MAPK10: variants seen among roughly 807,000 people sequenced by gnomAD.
MAPK10 encodes mitogen-activated protein kinase 10.
A neutral mutation model predicts 59.3 loss-of-function variants in MAPK10; 25 were observed. The ratio of observed to expected loss-of-function variants is 0.42; its 90% confidence interval spans 0.31 to 0.59. The LOEUF is 0.59. Ranked by LOEUF, MAPK10 falls within the 20% of genes least tolerant of loss-of-function variation. MAPK10 has a pLI of 0.15. For synonymous variants in MAPK10, 190 were observed against 200.5 expected, an observed-to-expected ratio of 0.95 and a Z score of 0.44; for missense variants, 351 against 568.9, an observed-to-expected ratio of 0.62 and a Z score of 3.90.
At chr4:86,539,390 G>A (rs575834498) in intron 1 of MAPK10, among the ~76,000 whole-genome samples, 4 of 152,286 alleles carry the variant, frequency 2.6e-5, no homozygotes, top group African/African-American at 9.6e-5. Flanking sequence ...ACCCTCTGAA[G>A]CTCCAAACCT....
chr4:86,209,315 A>G (rs564319364), intron 2 of MAPK10, among the ~76,000 whole-genome samples: 1 of 152,220 alleles, frequency 6.6e-6, no homozygotes, highest in East Asian at 1.9e-4. Flanking sequence ...ACGTATATAA[A>G]ATTTAAAACA....
rs150112745 is a variant in MAPK10 at position 86,344,702 on chromosome 4, G to A, written c.-7+9828C>T. ...AACTGTGTGATATTTAATCTTCCAA[G>A]ACTCTACCACAGTAATCTGCCCATT... On this transcript the variant is annotated intron_variant, in intron 2 of 13. Coordinates refer to ENST00000641462, the MANE Select transcript of MAPK10 (RefSeq NM_138982.4). Among the ~76,000 whole-genome samples the A allele has an allele frequency of 4.8e-3, 736 of 152,192 alleles. 5 individuals are homozygous for A. The highest frequency in any genetic ancestry group is 0.014 in the Middle Eastern group (4 of 294).
At chr4:86,287,494 C>T (rs2095057572) in intron 2 of MAPK10, among the ~76,000 whole-genome samples, 1 of 152,132 alleles carries the variant, frequency 6.6e-6, no homozygotes, top group Non-Finnish European at 1.5e-5. Flanking sequence ...AACACAGCTG[C>T]CATCGTTTTA....
chr4:86,076,260 G>T (rs911479976), intron 9 of MAPK10, among the ~76,000 whole-genome samples: 1 of 152,010 alleles, frequency 6.6e-6, no homozygotes, highest in Non-Finnish European at 1.5e-5. Flanking sequence ...GCTCGCGCAC[G>T]GTGCGCGCAC....
At chr4:86,067,045 T>C (rs2046883040) in intron 10 of MAPK10, among the ~76,000 whole-genome samples, 1 of 152,210 alleles carries the variant, frequency 6.6e-6, no homozygotes, top group Non-Finnish European at 1.5e-5. Flanking sequence ...TAATCAAATA[T>C]GCAAACTAGT....
intron 1 of MAPK10, among the ~76,000 whole-genome samples, chr4:86,387,564 A>G (rs1164653524): frequency 1.3e-5 from 2 of 152,202 alleles, no homozygotes; most frequent in African/African-American, 4.8e-5. Context: ...GTCCCTGACC[A>G]CTTAACTCTT....
chr4:86,080,428 C>A (rs969231072), intron 9 of MAPK10: 1 of 151,782 alleles, frequency 6.6e-6, no homozygotes, highest in African/African-American at 2.4e-5. Context: ...AGAATAATAT[C>A]TTTAAGATGC....
intron 1 of MAPK10, among the ~76,000 whole-genome samples, chr4:86,368,888 T>TA (rs36078401): frequency 0.71 from 107,384 of 151,908 alleles, 39,242 homozygotes; most frequent in South Asian, 0.9. Context: ...AGCAGCAGCT[T>TA]AAAAAATCTA....
At chr4:86,492,755 T>C (rs1282405317) in intron 1 of MAPK10, among the ~76,000 whole-genome samples, 1 of 152,212 alleles carries the variant, frequency 6.6e-6, no homozygotes, top group Non-Finnish European at 1.5e-5. Flanking sequence ...CCTTGATTTT[T>C]AAAAAATTTG....
intron 3 of MAPK10, among the ~76,000 whole-genome samples, chr4:86,186,596 G>A (rs1288752175): frequency 6.6e-6 from 1 of 152,040 alleles, no homozygotes. Context: ...TAAAAATCTT[G>A]TTTCAATGAT....
intron 3 of MAPK10, among the ~76,000 whole-genome samples, chr4:86,183,617 T>C (rs1376445584): frequency 6.6e-6 from 1 of 152,128 alleles, no homozygotes; most frequent in Non-Finnish European, 1.5e-5. Context: ...CATGTGTCTT[T>C]ATAGTGGCAT....
At chr4:86,366,450 G>A (rs1328660512) in intron 1 of MAPK10, among the ~76,000 whole-genome samples, 1 of 152,096 alleles carries the variant, frequency 6.6e-6, no homozygotes, top group Non-Finnish European at 1.5e-5. Flanking sequence ...TTGGGAAAGA[G>A]GAAAATTGCT....
intron 2 of MAPK10, among the ~76,000 whole-genome samples, chr4:86,314,081 A>AAAAAAAAAAAAGAAG (rs2095726014): frequency 2.0e-5 from 3 of 152,196 alleles, no homozygotes; most frequent in Non-Finnish European, 4.4e-5. Flanking sequence ...AGAAGAAACA[A>AAAAAAAAAAAAGAAG]AAACAGTATT....
intron 4 of MAPK10, among the ~76,000 whole-genome samples, chr4:86,148,371 C>T (rs1262891588): frequency 6.6e-6 from 1 of 152,258 alleles, no homozygotes; most frequent in East Asian, 1.9e-4. Flanking sequence ...ATACCCGAAG[C>T]ATAAAAGTGG....
intron 1 of MAPK10, among the ~76,000 whole-genome samples, chr4:86,374,370 C>G (rs765334183): frequency 6.6e-6 from 1 of 152,070 alleles, no homozygotes; most frequent in South Asian, 2.1e-4. Flanking sequence ...CAAACCTGCA[C>G]GTTCTGCACA....
At chr4:86,215,722 C>T (rs1049945072) in intron 2 of MAPK10, among the ~76,000 whole-genome samples, 2 of 151,918 alleles carry the variant, frequency 1.3e-5, no homozygotes, top group Non-Finnish European at 2.9e-5. Flanking sequence ...ATTAGCCGGG[C>T]GTTGTGGTGC....
In MAPK10 at chr4:86,183,360, G is replaced by A. The variant is rs557153298; in HGVS notation, c.66+10976C>T. ...TGTGTACATGTGTTCTCATTGTTCA[G>A]TTCCCATCTATGAGTGAGAACATGC... On this transcript the variant is annotated intron_variant, in intron 3 of 13. Transcript: ENST00000641462. Among the ~76,000 whole-genome samples, 209 of 140,426 alleles carry A rather than the reference G, an allele frequency of 1.5e-3. 2 individuals carry two copies. The highest frequency in any genetic ancestry group is 5.4e-3 in the African/African-American group (202 of 37,462). The allele number at this position is 140,426 out of a possible 152,430, so 92.1% of individuals were successfully genotyped here. A position where few individuals can be genotyped will look rare whatever the true frequency, so the allele number is the denominator to read the frequency against.
At chr4:86,363,731 A>C (rs1490554731), upstream of MAPK10, among the ~76,000 whole-genome samples, 1 of 147,200 alleles carries the variant, frequency 6.8e-6, no homozygotes, top group African/African-American at 2.5e-5. Context: ...CAGATCTGAA[A>C]ATTTATTCCT....
intron 2 of MAPK10, among the ~76,000 whole-genome samples, chr4:86,301,080 G>T (rs1442495285): frequency 2.6e-5 from 4 of 152,034 alleles, no homozygotes; most frequent in Non-Finnish European, 4.4e-5. Flanking sequence ...CCCATGCATT[G>T]TAGGATGGTT....
Sources: allele counts gnomAD v4.1 joint callset (sites outside exome capture counted in the v4.1 genomes callset), GRCh38; gene constraint gnomAD v4.1.1; transcripts MANE v1.5; gene names NCBI Gene and HGNC (gene_info 2026-07-23, HGNC 2026-07-21).